ARHGAP23: variants seen among roughly 807,000 people sequenced by gnomAD.
ARHGAP23 encodes Rho GTPase activating protein 23.
ARHGAP23 carries 34 observed loss-of-function variants against 136.3 expected under a neutral mutation model. The observed-to-expected ratio is 0.25, with a 90% CI of 0.19 to 0.33. ARHGAP23 has a LOEUF of 0.33. ARHGAP23 is among the 10% of genes least tolerant of loss of function. The pLI is 1.00. For synonymous variants in ARHGAP23, 832 were observed against 920.5 expected, an observed-to-expected ratio of 0.90 and a Z score of 1.74; for missense variants, 1,808 against 2,139.0, an observed-to-expected ratio of 0.85 and a Z score of 3.05.
intron 1 of ARHGAP23, among the ~76,000 whole-genome samples, chr17:38,422,911 G>T (rs541656899): frequency 6.0e-4 from 92 of 152,078 alleles, no homozygotes; most frequent in Non-Finnish European, 1.1e-3. Flanking sequence ...TGGGATGTCT[G>T]GGGCTGTGGC....
At chr17:38,466,019 A>G (rs1465986674) in intron 6 of ARHGAP23, 148 bp from the exon 7 acceptor site, 1 of 277,936 alleles carries the variant, frequency 3.6e-6, no homozygotes, top group African/African-American at 3.6e-5. Flanking sequence ...TTCCACCCCC[A>G]CCCACTTATG....
intron 1 of ARHGAP23, among the ~76,000 whole-genome samples, chr17:38,429,234 G>T (rs115355401): frequency 3.3e-5 from 5 of 152,352 alleles, no homozygotes; most frequent in Non-Finnish European, 7.4e-5. Flanking sequence ...ATTACTCAGC[G>T]CTGGGCTGCT....
rs553932472 is a variant in ARHGAP23, at chr17:38,499,698, G to A, written c.3416-899G>A. Reference sequence around the variant, plus strand: ...CGCGCCCTGTGTGTCGTGTGTGGTCGCCCATCTTGCTTTTCTCACCTTGTG... The same window carrying A: ...CGCGCCCTGTGTGTCGTGTGTGGTCACCCATCTTGCTTTTCTCACCTTGTG... On this transcript the variant is annotated intron_variant, in intron 22 of 23. Transcript: ENST00000622683. Among the ~76,000 whole-genome samples the A allele has an allele frequency of 1.9e-3, 282 of 152,188 alleles. 2 individuals are homozygous for A. Among genetic ancestry groups the A allele is most frequent in the African/African-American group, 6.5e-3 (269 of 41,502 alleles).
intron 11 of ARHGAP23, among the ~76,000 whole-genome samples, chr17:38,474,872 C>A (rs1332776845): frequency 6.6e-6 from 1 of 152,168 alleles, no homozygotes; most frequent in African/African-American, 2.4e-5. Flanking sequence ...GCGAGGAGAG[C>A]CACGTGTGGG....
Position 38,431,255 on chromosome 17 carries a change from C to G in ARHGAP23, c.63+2707C>G, listed in dbSNP as rs977526721. Among the ~76,000 whole-genome samples the G allele has an allele frequency of 1.8e-4, 27 of 152,194 alleles. 1 individual carries two copies. The highest frequency in any genetic ancestry group is 8.8e-5 in the Non-Finnish European group (6 of 68,042). ...TGTCTTTTGTTCTATTTCTTTACTC[C>G]TCCAATCTTTCCCACCCTGCCCCAT... On this transcript the variant is annotated intron_variant, in intron 1 of 23. Transcript: ENST00000622683.
Position 38,510,404 on chromosome 17 carries a change from G to T in ARHGAP23, c.3908G>T (p.Arg1303Leu), listed in dbSNP as rs1203523307. ...GCGGGGCCTGGGGGGCGCCTGACACGCCGGCCGTCCTTCAGCTCGCACCAC... is the reference window on the plus strand; with the variant it reads ...GCGGGGCCTGGGGGGCGCCTGACACTCCGGCCGTCCTTCAGCTCGCACCAC... ...AGAGPGGRLT[R>L]RPSFSSHHLM... The change falls in exon 24 of 24, where the codon CGC becomes CTC. Residue 1303 changes from arginine (R) to leucine (L), a missense_variant. Around this residue, in one of 7 missense-constraint regions of ARHGAP23, gnomAD observed 506 missense variants for 455.8 expected, o/e 1.11. Transcript: ENST00000622683. This position sits in a 1 kb window ranked among gnomAD's most constrained non-coding sequence, Gnocchi z 4.6. 1.0e-5 allele frequency: 13 copies of T among 1,239,888 alleles called. No homozygotes were observed. The African/African-American group carries it at 1.6e-4, about 15-fold the overall frequency. 76.8% of individuals were successfully genotyped at this position (1,239,888 alleles called of 1,614,324 possible).
chr17:38,489,024 T>A (rs1010874574), intron 17 of ARHGAP23, among the ~76,000 whole-genome samples: 1 of 151,546 alleles, frequency 6.6e-6, no homozygotes, highest in East Asian at 1.9e-4. Flanking sequence ...TACAGGCGCC[T>A]ACCACCATGC....
chr17:38,419,453 G>A (rs1414650745), intron 1 of ARHGAP23: 1 of 152,728 alleles, frequency 6.5e-6, no homozygotes, highest in Non-Finnish European at 1.5e-5. Flanking sequence ...AGAGCTGCGG[G>A]CGTTGTGACC....
chr17:38,454,838 G>A (rs62074681), intron 1 of ARHGAP23, among the ~76,000 whole-genome samples: 6,066 of 152,300 alleles, frequency 0.04, 138 homozygotes, highest in Middle Eastern at 0.085. Flanking sequence ...AACCCACCAC[G>A]TGTCCACCTC....
At chr17:38,443,510 G>T (rs1192284464) in intron 1 of ARHGAP23, among the ~76,000 whole-genome samples, 2 of 152,178 alleles carry the variant, frequency 1.3e-5, no homozygotes, top group Non-Finnish European at 2.9e-5. Context: ...AGCCCAGGGG[G>T]CTCCCTCATG....
chr17:38,507,848 A>G (rs2040669306), intron 23 of ARHGAP23, among the ~76,000 whole-genome samples: 1 of 152,328 alleles, frequency 6.6e-6, no homozygotes, highest in African/African-American at 2.4e-5. Flanking sequence ...ATGTGAGAGC[A>G]AGGACAGTGG....
In ARHGAP23 at chr17:38,510,298, C is replaced by G; in HGVS notation, c.3802C>G (p.Arg1268Gly). The G allele has an allele frequency of 1.6e-6, 2 of 1,279,756 alleles. No homozygotes were observed. Among genetic ancestry groups the G allele is most frequent in the Non-Finnish European group, 2.0e-6 (2 of 1,013,522 alleles). 79.3% of individuals were successfully genotyped at this position (1,279,756 alleles called of 1,614,324 possible). The change falls in exon 24 of 24, where the codon CGG (arginine) becomes GGG (glycine). Residue 1268 changes from arginine (R) to glycine (G), a missense_variant. Arg to Gly is a moderately radical substitution (Grantham distance 125, BLOSUM62 -2). Around this residue, in one of 7 missense-constraint regions of ARHGAP23, gnomAD observed 506 missense variants for 455.8 expected, o/e 1.11. Transcript: ENST00000622683. The surrounding 1 kb of genome is among the most constrained non-coding windows in gnomAD (Gnocchi z 4.6). ...RSVCSGASGR[R>G]AGAGDEADDE... Reference sequence around the variant, plus strand: ...CGTGTGCTCGGGCGCTAGCGGTCGGCGGGCAGGGGCGGGGGATGAGGCGGA... The same window carrying G: ...CGTGTGCTCGGGCGCTAGCGGTCGGGGGGCAGGGGCGGGGGATGAGGCGGA...
chr17:38,427,692 C>T (rs2038589512), upstream of ARHGAP23, among the ~76,000 whole-genome samples: 1 of 152,154 alleles, frequency 6.6e-6, no homozygotes, highest in Non-Finnish European at 1.5e-5. Context: ...GGGCTGGCCC[C>T]ATGGCCTGAG....
intron 14 of ARHGAP23, among the ~76,000 whole-genome samples, chr17:38,481,438 C>T (rs532735072): frequency 8.6e-5 from 13 of 152,016 alleles, no homozygotes; most frequent in South Asian, 4.2e-4. Flanking sequence ...TAAGCCACCG[C>T]GCCCGGCCCA....
intron 1 of ARHGAP23, chr17:38,457,377 C>G (rs1369167402): frequency 1.3e-5 from 2 of 153,198 alleles, no homozygotes; most frequent in Non-Finnish European, 2.9e-5. Flanking sequence ...CTTGGTTCCC[C>G]CTGTGTTCCT....
chr17:38,500,082 T>G (rs1158000191), intron 22 of ARHGAP23, among the ~76,000 whole-genome samples: 1 of 152,170 alleles, frequency 6.6e-6, no homozygotes, highest in Non-Finnish European at 1.5e-5. Flanking sequence ...TTTTTGCCCT[T>G]TTATCCATTA....
chr17:38,507,013 GTAA>G (rs1473989299), intron 23 of ARHGAP23, among the ~76,000 whole-genome samples: 1 of 152,120 alleles, frequency 6.6e-6, no homozygotes, highest in African/African-American at 2.4e-5. Context: ...GCTGATGCCT[GTAA>G]TAATCCCAGC....
chr17:38,510,422 C>T lies in ARHGAP23; in HGVS notation c.3926C>T (p.Ser1309Leu). The T allele has an allele frequency of 1.6e-6, 2 of 1,236,870 alleles. No individual in the cohort carries two copies. The highest frequency in any genetic ancestry group is 3.2e-5 in the East Asian group (1 of 31,292). 76.6% of individuals were successfully genotyped at this position (1,236,870 alleles called of 1,614,324 possible). A position where few individuals can be genotyped will look rare whatever the true frequency, so the allele number is the denominator to read the frequency against. ...GRLTRRPSFS[S>L]HHLMPCDTLA... ...CTGACACGCCGGCCGTCCTTCAGCT[C>T]GCACCACCTCATGCCCTGCGACACT... Residue 1309 changes from serine to leucine, a missense_variant, in exon 24 of 24, where the codon TCG (serine) becomes TTG (leucine). Ser to Leu is a moderately radical substitution (Grantham distance 145). Coordinates refer to ENST00000622683, the MANE Select transcript of ARHGAP23 (RefSeq NM_001199417.2). The surrounding 1 kb of genome is among the most constrained non-coding windows in gnomAD (Gnocchi z 4.6).
chr17:38,486,016 C>T (rs1321429753), intron 16 of ARHGAP23, 46 bp from the exon 17 acceptor site: 1 of 1,515,540 alleles, frequency 6.6e-7, no homozygotes, highest in Non-Finnish European at 9.0e-7. Context: ...GAGGCATGGG[C>T]ATCGGGCTGG....
Sources: gnomAD v4.1 joint callset for allele counts (sites outside exome capture counted in the v4.1 genomes callset) on GRCh38, gnomAD v4.1.1 for gene constraint, gnomAD v4.1.1 regional missense constraint, Gnocchi (gnomAD v3.1) non-coding constraint, MANE v1.5 for transcripts, NCBI Gene and HGNC (gene_info 2026-07-23, HGNC 2026-07-21) for gene names.